The following PC variants were observed in gnomAD, a reference collection of about 807,000 sequenced individuals.
The protein encoded by PC is pyruvate carboxylase, mitochondrial.
A neutral mutation model predicts 107.8 loss-of-function variants in PC; 46 were observed. The observed-to-expected ratio is 0.43, with a 90% CI of 0.34 to 0.55. The LOEUF is 0.55. Ranked by LOEUF, PC falls within the 20% of genes least tolerant of loss-of-function variation. The probability of loss-of-function intolerance (pLI) is 0.04; values close to 1 mark genes in which losing one functional copy is unlikely to be tolerated. For synonymous variants in PC, 662 were observed against 684.7 expected, an observed-to-expected ratio of 0.97 and a Z score of 0.52; for missense variants, 1,241 against 1,643.1, an observed-to-expected ratio of 0.76 and a Z score of 4.23.
At chr11:66,896,320 C>A (rs1947758065) in intron 3 of PC, among the ~76,000 whole-genome samples, 1 of 152,200 alleles carries the variant, frequency 6.6e-6, no homozygotes, top group South Asian at 2.1e-4. Flanking sequence ...CTCAAGTGAT[C>A]CACCTGCCTC....
chr11:66,857,666 A>AC lies in PC; in HGVS notation c.1369-4284dup, dbSNP rs1267628452. On this transcript the variant is annotated intron_variant, in intron 12 of 22. Transcript: ENST00000393960. The surrounding 1 kb of genome is among the most constrained non-coding windows in gnomAD (Gnocchi z 7.1). ...AGGCTCACAGAAGCTGGCTTCTGGG[A>AC]CTGTCCTGGGCCCAAGTGGGCACCT... is the stretch of plus-strand genomic sequence containing the variant. The AC allele has an allele frequency of 1.4e-6, 2 of 1,440,354 alleles. No homozygotes were observed. The highest frequency in any genetic ancestry group is 2.8e-5 in the African/African-American group (2 of 70,522). 89.2% of individuals were successfully genotyped at this position (1,440,354 alleles called of 1,614,324 possible).
Position 66,863,756 on chromosome 11 carries a change from G to C in PC, c.1368+18C>G. ...CAAGGGCCGGGAGCAAAGGCAGGCG[G>C]GGGCTGCAGCCTCTCACCTTCACAC... is the stretch of plus-strand genomic sequence containing the variant. On this transcript the variant is annotated intron_variant, in intron 12 of 22. Transcript: ENST00000393960. The C allele has an allele frequency of 6.3e-7, 1 of 1,599,922 alleles. No individual in the cohort carries two copies. Among genetic ancestry groups the C allele is most frequent in the Non-Finnish European group, 8.5e-7 (1 of 1,173,140 alleles).
intron 3 of PC, among the ~76,000 whole-genome samples, chr11:66,920,361 C>T (rs1948564156): frequency 6.6e-6 from 1 of 152,118 alleles, no homozygotes; most frequent in Non-Finnish European, 1.5e-5. Context: ...CTGCCACAAG[C>T]CCCTGCCTAA....
chr11:66,852,737 T>G lies in PC; in HGVS notation c.1603+10A>C. On this transcript the variant is annotated intron_variant, in intron 14 of 22. Coordinates refer to ENST00000393960, the MANE Select transcript of PC (RefSeq NM_001040716.2). This position sits in a 1 kb window ranked among gnomAD's most constrained non-coding sequence, Gnocchi z 4.7. ...CTCCCCCATGAGTTGACAGAATGGA[T>G]CTCACCTACCTATGGGCACTGCAGG... 1 of 1,610,304 alleles carries G rather than the reference T, an allele frequency of 6.2e-7. No homozygotes were observed. The highest frequency in any genetic ancestry group is 8.5e-7 in the Non-Finnish European group (1 of 1,177,202).
At chr11:66,869,591 G>A (rs1456513587) in intron 9 of PC, among the ~76,000 whole-genome samples, 1 of 152,136 alleles carries the variant, frequency 6.6e-6, no homozygotes, top group East Asian at 1.9e-4. Flanking sequence ...ACTTAAACGC[G>A]ACCCTGGTCG....
At chr11:66,909,156 C>T (rs1440161617) in intron 3 of PC, among the ~76,000 whole-genome samples, 1 of 152,252 alleles carries the variant, frequency 6.6e-6, no homozygotes. Context: ...AGCACCCAGA[C>T]AGGCACCGGG....
intron 3 of PC, among the ~76,000 whole-genome samples, chr11:66,923,510 T>A (rs1948642999): frequency 1.3e-5 from 2 of 152,052 alleles, no homozygotes; most frequent in Non-Finnish European, 2.9e-5. Context: ...TTGGGTTTGT[T>A]TTTGTTGTTT....
rs531958762 is a variant in PC at position 66,924,598 on chromosome 11, G to A, written c.-1+27832C>T. ...CCTGAGTAGCTGAGACTACAGGTGC[G>A]CACCACAATGCCTGGCTAATTTCTT... On this transcript the variant is annotated intron_variant, in intron 3 of 22. Coordinates refer to ENST00000393960, the MANE Select transcript of PC (RefSeq NM_001040716.2). Among the ~76,000 whole-genome samples the A allele has an allele frequency of 1.7e-4, 26 of 151,994 alleles. 1 individual carries two copies. Among genetic ancestry groups the A allele is most frequent in the Admixed American group, 1.0e-3 (16 of 15,240 alleles).
At position 66,852,561 on chromosome 11, in the gene PC, G is replaced by A. The variant is rs1363111837; in HGVS notation, c.1703C>T (p.Thr568Met). 9 of 1,613,942 alleles carry A rather than the reference G, an allele frequency of 5.6e-6. No homozygotes were observed. The highest frequency in any genetic ancestry group is 1.1e-5 in the South Asian group (1 of 91,090). The change falls in exon 15 of 23, where the codon ACG becomes ATG. Residue 568 changes from threonine to methionine, a missense_variant. Thr to Met is a moderately conservative substitution (Grantham distance 81). Transcript: ENST00000393960. This position sits in a 1 kb window ranked among gnomAD's most constrained non-coding sequence, Gnocchi z 4.7. ...RNHPGLLLMD[T>M]TFRDAHQSLL... ...TGACTGGTGGGCGTCCCTGAAGGTC[G>A]TGTCCATCAGCAGCAGCCCCGGGTG...
intron 3 of PC, among the ~76,000 whole-genome samples, chr11:66,881,593 C>T (rs1399322898): frequency 2.0e-5 from 3 of 152,270 alleles, no homozygotes; most frequent in African/African-American, 7.2e-5. Context: ...GCACACAACA[C>T]ATACTCACTG....
chr11:66,895,303 T>C (rs75824076), intron 3 of PC, among the ~76,000 whole-genome samples: 5,896 of 152,250 alleles, frequency 0.039, 209 homozygotes, highest in African/African-American at 0.084. Context: ...GCCCAGATCA[T>C]GTACTGGTAA....
chr11:66,953,917 A>C (rs1290207797), intron 2 of PC, among the ~76,000 whole-genome samples: 1 of 152,160 alleles, frequency 6.6e-6, no homozygotes, highest in Admixed American at 6.6e-5. Context: ...CCTTCGTAAT[A>C]GGATTGTTGT....
chr11:66,860,194 G>A (rs1387853285), intron 12 of PC: 5 of 1,544,042 alleles, frequency 3.2e-6, no homozygotes, highest in Non-Finnish European at 3.5e-6. Flanking sequence ...AGTGTGGTGT[G>A]ATGGACGGGC....
At chr11:66,927,709 G>A (rs1948750758) in intron 3 of PC, among the ~76,000 whole-genome samples, 1 of 149,480 alleles carries the variant, frequency 6.7e-6, no homozygotes, top group South Asian at 2.1e-4. Context: ...GGCAACAAGA[G>A]CGAAAGTCCG....
At chr11:66,873,398 A>G (rs1473504913) in intron 3 of PC, among the ~76,000 whole-genome samples, 2 of 99,410 alleles carry the variant, frequency 2.0e-5, no homozygotes, top group East Asian at 4.9e-4. Context: ...TATTATATAT[A>G]ATATAATATA....
chr11:66,865,379 C>T (rs989630519), intron 11 of PC, among the ~76,000 whole-genome samples: 1 of 152,262 alleles, frequency 6.6e-6, no homozygotes, highest in Admixed American at 6.5e-5. Flanking sequence ...GGGGCTCAGG[C>T]CCCTGGATAG....
chr11:66,936,243 T>TCACA (rs1009333695), intron 3 of PC, among the ~76,000 whole-genome samples: 1 of 148,296 alleles, frequency 6.7e-6, no homozygotes, highest in Non-Finnish European at 1.5e-5. Flanking sequence ...CAAGACCCTG[T>TCACA]CACACACACA....
At chr11:66,917,220 C>T (rs933084655) in intron 3 of PC, among the ~76,000 whole-genome samples, 2 of 151,746 alleles carry the variant, frequency 1.3e-5, no homozygotes, top group African/African-American at 2.4e-5. Context: ...TACAGGGGCG[C>T]GCCATCACAC....
At chr11:66,879,858 C>T (rs1166400716) in intron 3 of PC, among the ~76,000 whole-genome samples, 1 of 152,138 alleles carries the variant, frequency 6.6e-6, no homozygotes, top group Non-Finnish European at 1.5e-5. Flanking sequence ...AGGCGGAAGA[C>T]ACGGAAATGT....
Sources: gnomAD v4.1 joint callset for allele counts (sites outside exome capture counted in the v4.1 genomes callset) on GRCh38, gnomAD v4.1.1 for gene constraint, Gnocchi (gnomAD v3.1) non-coding constraint, MANE v1.5 for transcripts, NCBI Gene and HGNC (gene_info 2026-07-23, HGNC 2026-07-21) for gene names.